The following CLSTN2 variants were observed in gnomAD, a reference collection of about 807,000 sequenced individuals.
CLSTN2 encodes the protein calsyntenin 2.
Under a neutral mutation model 101.2 loss-of-function variants are expected in CLSTN2, and 48 were observed. The ratio of observed to expected loss-of-function variants is 0.47; its 90% CI spans 0.38 to 0.60. CLSTN2 has a LOEUF of 0.60. Ranked by LOEUF, CLSTN2 falls within the 20% of genes least tolerant of loss-of-function variation. CLSTN2 has a pLI of 0.00. For missense variants in CLSTN2, 1,160 were observed against 1,238.2 expected (o/e 0.94, Z 0.95); for synonymous variants, 481 against 463.6 (o/e 1.04, Z -0.48).
At chr3:140,315,525 C>T (rs2087219772) in intron 2 of CLSTN2, among the ~76,000 whole-genome samples, 1 of 152,162 alleles carries the variant, frequency 6.6e-6, no homozygotes, top group Non-Finnish European at 1.5e-5. Flanking sequence ...CATTTGGATG[C>T]CATTATCCTC....
Position 140,532,469 on chromosome 3 carries a change from TC to T in CLSTN2, c.1491del (p.Gly498AlafsTer37). ...TCTCACATAGCCATGCAACTCACAGTCGGCGCTTGTTGGCAAGGTAATCCTA... is the reference window on the plus strand; with the variant it reads ...TCTCACATAGCCATGCAACTCACAGTGGCGCTTGTTGGCAAGGTAATCCTA... ...HPSHIAMQLT[V>X]GACWQGGEVT... On this transcript the variant is annotated frameshift_variant, in exon 9 of 17. Coordinates refer to ENST00000458420, the MANE Select transcript of CLSTN2 (RefSeq NM_022131.3). LOFTEE classifies it high-confidence loss of function. The T allele has an allele frequency of 6.2e-7, 1 of 1,613,220 alleles. No individual in the cohort carries two copies. The highest frequency in any genetic ancestry group is 8.5e-7 in the Non-Finnish European group (1 of 1,179,472).
intron 8 of CLSTN2, among the ~76,000 whole-genome samples, chr3:140,497,729 T>C (rs1934497989): frequency 6.6e-6 from 1 of 152,168 alleles, no homozygotes; most frequent in South Asian, 2.1e-4. Context: ...GGCCAGAGTC[T>C]ATAAAACTCC....
intron 2 of CLSTN2, among the ~76,000 whole-genome samples, chr3:140,385,043 CA>C (rs2088034839): frequency 6.6e-6 from 1 of 152,160 alleles, no homozygotes; most frequent in Admixed American, 6.5e-5. Context: ...ACAACTCATC[CA>C]GTTGCTCTGT....
chr3:140,171,582 A>G (rs1365927616), intron 1 of CLSTN2, among the ~76,000 whole-genome samples: 2 of 142,334 alleles, frequency 1.4e-5, no homozygotes, highest in African/African-American at 5.2e-5. Flanking sequence ...GTAATGTAAT[A>G]TATAAAATAT....
At chr3:139,941,057 A>C (rs1465932858) in intron 1 of CLSTN2, among the ~76,000 whole-genome samples, 1 of 152,188 alleles carries the variant, frequency 6.6e-6, no homozygotes, top group Non-Finnish European at 1.5e-5. Flanking sequence ...AAGTTTTGTG[A>C]TAATACATGT....
chr3:140,525,372 A>T (rs1360180022), intron 8 of CLSTN2, among the ~76,000 whole-genome samples: 3 of 152,180 alleles, frequency 2.0e-5, no homozygotes, highest in African/African-American at 7.2e-5. Flanking sequence ...GGTAACGCAC[A>T]ATCTCCCAAG....
chr3:140,267,988 T>G (rs943933722), intron 2 of CLSTN2, among the ~76,000 whole-genome samples: 6 of 152,202 alleles, frequency 3.9e-5, no homozygotes, highest in African/African-American at 1.4e-4. Context: ...TATAAGCTTA[T>G]CATTTATCTT....
intron 1 of CLSTN2, among the ~76,000 whole-genome samples, chr3:140,031,754 C>T (rs2007555269): frequency 1.3e-5 from 2 of 152,152 alleles, no homozygotes; most frequent in African/African-American, 2.4e-5. Flanking sequence ...GCTGGGTCCC[C>T]AACTGCTATA....
intron 2 of CLSTN2, among the ~76,000 whole-genome samples, chr3:140,201,548 T>C (rs981472534): frequency 5.9e-5 from 9 of 152,182 alleles, no homozygotes; most frequent in African/African-American, 2.2e-4. Flanking sequence ...CAAAGTGTCA[T>C]ACCTTAGCCA....
intron 2 of CLSTN2, among the ~76,000 whole-genome samples, chr3:140,296,557 C>G (rs151290681): frequency 6.6e-6 from 1 of 152,316 alleles, no homozygotes; most frequent in Admixed American, 6.5e-5. Context: ...CTAATTCACA[C>G]TTTCTCCTAT....
intron 8 of CLSTN2, among the ~76,000 whole-genome samples, chr3:140,508,973 G>A (rs1184884112): frequency 6.6e-6 from 1 of 152,076 alleles, no homozygotes; most frequent in African/African-American, 2.4e-5. Flanking sequence ...ATAAGAAGCA[G>A]GAAGAAATAT....
intron 2 of CLSTN2, among the ~76,000 whole-genome samples, chr3:140,380,188 T>G (rs2087963573): frequency 6.6e-6 from 1 of 152,186 alleles, no homozygotes; most frequent in South Asian, 2.1e-4. Flanking sequence ...ACACTGGGCT[T>G]GAGGAATGCC....
At chr3:140,050,543 G>A (rs1051785891) in intron 1 of CLSTN2, among the ~76,000 whole-genome samples, 2 of 152,256 alleles carry the variant, frequency 1.3e-5, no homozygotes, top group Non-Finnish European at 2.9e-5. Context: ...AGCTGCAGCT[G>A]TAGGAGTGAG....
intron 1 of CLSTN2, among the ~76,000 whole-genome samples, chr3:139,989,362 GGTT>G (rs1936080631): frequency 1.3e-5 from 2 of 152,260 alleles, no homozygotes; most frequent in Admixed American, 6.5e-5. Flanking sequence ...TTCCAGCTGT[GGTT>G]GTTTCCCCAC....
chr3:140,521,300 C>T (rs1289038315), intron 8 of CLSTN2, among the ~76,000 whole-genome samples: 2 of 152,090 alleles, frequency 1.3e-5, no homozygotes, highest in Non-Finnish European at 2.9e-5. Context: ...AGGTTGCTGA[C>T]CTTTGAATGG....
At chr3:140,158,196 T>C (rs1417111793) in intron 1 of CLSTN2, among the ~76,000 whole-genome samples, 2 of 152,094 alleles carry the variant, frequency 1.3e-5, no homozygotes, top group Non-Finnish European at 1.5e-5. Flanking sequence ...GTACTGGAAG[T>C]CCTAGCCAGA....
intron 2 of CLSTN2, among the ~76,000 whole-genome samples, chr3:140,265,910 G>T (rs1321241697): frequency 1.3e-5 from 2 of 152,164 alleles, no homozygotes; most frequent in Non-Finnish European, 2.9e-5. Context: ...TCCCTGCACT[G>T]GGAAAATGAG....
At chr3:140,545,142 C>T (rs2107786085) in intron 9 of CLSTN2, among the ~76,000 whole-genome samples, 1 of 152,210 alleles carries the variant, frequency 6.6e-6, no homozygotes, top group African/African-American at 2.4e-5. Context: ...AGGTAGAGCA[C>T]CCCAGAAAAA....
rs188237136 is a variant in CLSTN2, at chr3:140,218,445, C to A, written c.232+42372C>A. On this transcript the variant is annotated intron_variant, in intron 2 of 16. Transcript: ENST00000458420. Reference sequence around the variant, plus strand: ...TGAGCTGAAAAGATCCATCCCAGGACAAAGCAGGAAGTGAAAGAAAGTGAG... The same window carrying A: ...TGAGCTGAAAAGATCCATCCCAGGAAAAAGCAGGAAGTGAAAGAAAGTGAG... Among the ~76,000 whole-genome samples the A allele has an allele frequency of 2.4e-3, 359 of 152,150 alleles. 1 individual carries two copies. The highest frequency in any genetic ancestry group is 8.4e-3 in the African/African-American group (348 of 41,516).
Sources: gnomAD v4.1 joint callset for allele counts (sites outside exome capture counted in the v4.1 genomes callset) on GRCh38, gnomAD v4.1.1 for gene constraint, MANE v1.5 for transcripts, NCBI Gene and HGNC (gene_info 2026-07-23, HGNC 2026-07-21) for gene names.